Variants in GABRB2 observed in about 807,000 individuals in gnomAD.
GABRB2 encodes the protein gamma-aminobutyric acid receptor subunit beta-2.
In GABRB2, 16 loss-of-function variants were observed where a neutral mutation model predicts 54.7. The observed-to-expected ratio is 0.29, with a 90% CI of 0.20 to 0.44. The LOEUF (loss-of-function observed/expected upper bound fraction) is 0.44. GABRB2 is among the 20% of genes least tolerant of loss of function. The pLI, the probability that GABRB2 is intolerant of heterozygous loss-of-function variation, is 1.00. For missense variants in GABRB2, 355 were observed against 644.0 expected (o/e 0.55, Z 4.86); for synonymous variants, 244 against 233.8 (o/e 1.04, Z -0.40).
chr5:161,496,120 G>A (rs1759235273), intron 3 of GABRB2, among the ~76,000 whole-genome samples: 1 of 152,102 alleles, frequency 6.6e-6, no homozygotes. Context: ...TGTGGCACAG[G>A]AAGAAAACTC....
chr5:161,304,917 C>T (rs1757639562), intron 9 of GABRB2, among the ~76,000 whole-genome samples: 1 of 148,992 alleles, frequency 6.7e-6, no homozygotes. Context: ...GATTCATTTT[C>T]GTTGTATGGG....
At chr5:161,379,714 C>T (rs567582975) in intron 5 of GABRB2, among the ~76,000 whole-genome samples, 3 of 152,216 alleles carry the variant, frequency 2.0e-5, no homozygotes, top group Admixed American at 1.3e-4. Flanking sequence ...CAATTACCCC[C>T]TTTCTGAGTC....
At chr5:161,310,841 C>A (rs1016944677) in intron 9 of GABRB2, among the ~76,000 whole-genome samples, 1 of 150,896 alleles carries the variant, frequency 6.6e-6, no homozygotes, top group African/African-American at 2.4e-5. Context: ...CGGCTCACTG[C>A]AAGCTCCACC....
intron 8 of GABRB2, chr5:161,330,391 C>T (rs1753802701): frequency 6.5e-6 from 1 of 153,552 alleles, no homozygotes; most frequent in South Asian, 2.0e-4. Flanking sequence ...TGTAACACAT[C>T]TGTATACTTG....
At chr5:161,306,507 T>C (rs1158024831) in intron 9 of GABRB2, among the ~76,000 whole-genome samples, 1 of 152,242 alleles carries the variant, frequency 6.6e-6, no homozygotes, top group East Asian at 1.9e-4. Context: ...GCAAACCTTA[T>C]GGCAGGACTC....
chr5:161,322,172 A>G (rs2546619), intron 9 of GABRB2, among the ~76,000 whole-genome samples: 45,593 of 151,954 alleles, frequency 0.3, 7,449 homozygotes, highest in African/African-American at 0.42. Context: ...TAATAATAAA[A>G]ACTGACATAA....
chr5:161,502,829 T>C (rs1238721731), intron 3 of GABRB2, among the ~76,000 whole-genome samples: 1 of 152,158 alleles, frequency 6.6e-6, no homozygotes, highest in Admixed American at 6.5e-5. Context: ...AGGAGGGAGT[T>C]GCACAGAGAA....
intron 5 of GABRB2, among the ~76,000 whole-genome samples, chr5:161,369,652 G>A (rs185635849): frequency 3.9e-5 from 6 of 152,116 alleles, no homozygotes; most frequent in Non-Finnish European, 4.4e-5. Context: ...ATGCTTGGGG[G>A]AATGTTTTTT....
intron 3 of GABRB2, among the ~76,000 whole-genome samples, chr5:161,530,859 C>A (rs954779618): frequency 6.6e-6 from 1 of 152,088 alleles, no homozygotes; most frequent in Non-Finnish European, 1.5e-5. Context: ...TCAAGGCATA[C>A]ACCAGATGCA....
At chr5:161,503,835 T>G (rs1326862213) in intron 3 of GABRB2, among the ~76,000 whole-genome samples, 3 of 151,490 alleles carry the variant, frequency 2.0e-5, no homozygotes, top group African/African-American at 7.3e-5. Context: ...ATTTTAAATA[T>G]AATGATACAC....
intron 5 of GABRB2, among the ~76,000 whole-genome samples, chr5:161,344,687 A>G (rs1754266626): frequency 6.6e-6 from 1 of 152,056 alleles, no homozygotes; most frequent in Non-Finnish European, 1.5e-5. Flanking sequence ...CAGCAATCCC[A>G]TTACTGAATA....
At chr5:161,489,251 T>C (rs544133438) in intron 3 of GABRB2, among the ~76,000 whole-genome samples, 1 of 151,622 alleles carries the variant, frequency 6.6e-6, no homozygotes, top group Non-Finnish European at 1.5e-5. Flanking sequence ...CAGTAGAAGA[T>C]AGAATGACCC....
rs75617467 is a variant in GABRB2 at position 161,487,425 on chromosome 5, C to T, written c.238-27581G>A. The stretch of plus-strand genomic sequence containing the variant: ...TTATTGAATGCTTCCGTGAAAAATG[C>T]CATGCATGATCAATTGTAAACATAC... On this transcript the variant is annotated intron_variant, in intron 3 of 9. Coordinates refer to ENST00000393959, the MANE Select transcript of GABRB2 (RefSeq NM_001371727.1). Among the ~76,000 whole-genome samples, 969 of 151,882 alleles carry T rather than the reference C, an allele frequency of 6.4e-3. 11 individuals are homozygous for T. Among genetic ancestry groups the T allele is most frequent in the African/African-American group, 0.021 (862 of 41,458 alleles).
chr5:161,336,741 A>C lies in GABRB2; in HGVS notation c.570T>G (p.Phe190Leu). Residue 190 changes from phenylalanine (F) to leucine (L), a missense_variant, in exon 6 of 10, where the codon TTT (phenylalanine) becomes TTG (leucine). By Grantham distance (22) the Phe-to-Leu change is conservative. This residue lies in a region of GABRB2 where 15 missense variants were observed against 102.2 expected (regional missense o/e 0.15). Coordinates refer to ENST00000393959, the MANE Select transcript of GABRB2 (RefSeq NM_001371727.1). ...CTGCATTATCATCGCCACGCCAGTA[A>C]AACTCAATGTCATCAGTTGTGTATC... ...SYGYTTDDIE[F>L]YWRGDDNAVT... is the part of the protein sequence containing the mutation. The C allele has an allele frequency of 6.2e-7, 1 of 1,613,102 alleles. No individual in the cohort carries two copies. Among genetic ancestry groups the C allele is most frequent in the Non-Finnish European group, 8.5e-7 (1 of 1,179,622 alleles).
chr5:161,361,121 A>G (rs189265744), intron 5 of GABRB2, among the ~76,000 whole-genome samples: 1 of 152,236 alleles, frequency 6.6e-6, no homozygotes, highest in East Asian at 1.9e-4. Context: ...CATAAAAATT[A>G]TAAAAGAGAA....
intron 3 of GABRB2, among the ~76,000 whole-genome samples, chr5:161,469,508 C>A (rs1217176748): frequency 1.5e-5 from 1 of 64,762 alleles, no homozygotes; most frequent in Non-Finnish European, 4.5e-5. Flanking sequence ...CTCTTAAAAA[C>A]CAAAAAAAAC....
intron 4 of GABRB2, among the ~76,000 whole-genome samples, chr5:161,426,584 T>A (rs1219092994): frequency 6.6e-6 from 1 of 151,930 alleles, no homozygotes; most frequent in Non-Finnish European, 1.5e-5. Context: ...AAGAAAAACA[T>A]CCCCTTGTAC....
intron 5 of GABRB2, among the ~76,000 whole-genome samples, chr5:161,345,113 A>G (rs963972589): frequency 2.0e-5 from 3 of 152,120 alleles, no homozygotes; most frequent in Non-Finnish European, 4.4e-5. Flanking sequence ...TGATGGGTGC[A>G]GCAAACCACC....
At chr5:161,312,653 T>C (rs1757905273) in intron 9 of GABRB2, among the ~76,000 whole-genome samples, 1 of 152,212 alleles carries the variant, frequency 6.6e-6, no homozygotes, top group Non-Finnish European at 1.5e-5. Context: ...AGCACATCAG[T>C]AAAACTGAGA....
Sources: allele counts gnomAD v4.1 joint callset (sites outside exome capture counted in the v4.1 genomes callset), GRCh38; gene constraint gnomAD v4.1.1; regional missense constraint gnomAD v4.1.1; transcripts MANE v1.5; gene names NCBI Gene and HGNC (gene_info 2026-07-23, HGNC 2026-07-21).